The following CARS2 variants were observed in gnomAD, a reference collection of about 807,000 sequenced individuals.
The protein encoded by CARS2 is cysteinyl-tRNA synthetase 2, mitochondrial, also known as probable cysteine--tRNA ligase, mitochondrial.
Under a neutral mutation model 68.8 loss-of-function variants are expected in CARS2, and 52 were observed. The observed-to-expected ratio is 0.76, with a 90% CI of 0.61 to 0.95. CARS2 has a LOEUF of 0.95. CARS2 is among the 40% of genes least tolerant of loss of function. CARS2 has a pLI of 0.00. For synonymous variants in CARS2, 314 were observed against 303.6 expected (o/e 1.03, Z -0.36); for missense variants, 780 against 754.2 (o/e 1.03, Z -0.40).
rs547665071 is a variant in CARS2 at position 110,642,846 on chromosome 13, T to C, written c.1417-325A>G. The C allele has an allele frequency of 3.4e-5, 20 of 587,512 alleles. No homozygotes were observed. The East Asian group carries it at 6.1e-4, about 18-fold the overall frequency. 36.4% of individuals were successfully genotyped at this position (587,512 alleles called of 1,614,324 possible). On this transcript the variant is annotated intron_variant, in intron 13 of 14. Coordinates refer to ENST00000257347, the MANE Select transcript of CARS2 (RefSeq NM_024537.4). ...CCCTGGCTTCCAGACCTCACGCAAT[T>C]GTGGCCGAGGTATCAGGAGCAACCT... is the stretch of plus-strand genomic sequence containing the variant.
At chr13:110,691,463 T>C (rs2063457157) in intron 3 of CARS2, among the ~76,000 whole-genome samples, 1 of 152,254 alleles carries the variant, frequency 6.6e-6, no homozygotes, top group Admixed American at 6.5e-5. Flanking sequence ...GAATCTTTTC[T>C]CATAAATGGC....
At chr13:110,700,774 G>C (rs2063761552) in intron 3 of CARS2, among the ~76,000 whole-genome samples, 1 of 152,254 alleles carries the variant, frequency 6.6e-6, no homozygotes, top group Non-Finnish European at 1.5e-5. Flanking sequence ...CGTCCAATCA[G>C]TGGGTCTGGT....
At chr13:110,642,874 G>A in intron 13 of CARS2, 1 of 519,136 alleles carries the variant, frequency 1.9e-6, no homozygotes, top group Non-Finnish European at 3.7e-6. Context: ...AGCAACCTGA[G>A]GATGAGGCTG....
intron 7 of CARS2, 86 bp from the exon 8 acceptor site, chr13:110,667,559 T>C: frequency 1.6e-6 from 2 of 1,237,546 alleles, no homozygotes; most frequent in Non-Finnish European, 2.2e-6. Context: ...CTTCCAGCCT[T>C]TTTAATTCAA....
chr13:110,688,512 C>G (rs2063369436), intron 3 of CARS2, among the ~76,000 whole-genome samples: 1 of 152,114 alleles, frequency 6.6e-6, no homozygotes, highest in African/African-American at 2.4e-5. Flanking sequence ...CTCCACTTTT[C>G]TAAGACAAGG....
At chr13:110,667,268 T>C in intron 8 of CARS2, 72 bp downstream of exon 8, 1 of 1,363,808 alleles carries the variant, frequency 7.3e-7, no homozygotes, top group Non-Finnish European at 1.0e-6. Flanking sequence ...TTTCCAAATG[T>C]AGCTGTTCCG....
intron 9 of CARS2, among the ~76,000 whole-genome samples, chr13:110,654,063 A>G (rs1456759011): frequency 2.6e-5 from 4 of 152,182 alleles, no homozygotes; most frequent in African/African-American, 9.7e-5. Flanking sequence ...GGGGATGGTA[A>G]CAAGCCATGT....
chr13:110,704,392 T>G (rs183140262), intron 2 of CARS2, among the ~76,000 whole-genome samples: 18 of 152,338 alleles, frequency 1.2e-4, no homozygotes, highest in East Asian at 3.9e-4. Flanking sequence ...ATTAAAAGTA[T>G]GTTAGCCCAA....
At chr13:110,664,342 T>C in intron 8 of CARS2, 1 of 365,304 alleles carries the variant, frequency 2.7e-6, no homozygotes, top group African/African-American at 2.2e-5. Context: ...ACCCGGTCTC[T>C]ACAAAAAAAA....
Position 110,668,517 on chromosome 13 carries a change from G to A in CARS2, c.786-1044C>T, listed in dbSNP as rs2062713565. 6.7e-6 allele frequency among the ~76,000 whole-genome samples: 1 copy of A among 149,906 alleles called. No homozygotes were observed. On this transcript the variant is annotated intron_variant, in intron 7 of 14. Coordinates refer to ENST00000257347, the MANE Select transcript of CARS2 (RefSeq NM_024537.4). This position sits in a 1 kb window ranked among gnomAD's most constrained non-coding sequence, Gnocchi z 4.1. ...AGATCGCGCCACTGCACTCCAGCCTGGGTGACAGAGCGAGACTCCGTCTCA... is the reference window on the plus strand; with the variant it reads ...AGATCGCGCCACTGCACTCCAGCCTAGGTGACAGAGCGAGACTCCGTCTCA...
chr13:110,677,124 A>C (rs369686025), intron 6 of CARS2, 21 bp from the exon 7 acceptor site: 5 of 1,584,994 alleles, frequency 3.2e-6, no homozygotes, highest in Admixed American at 1.7e-5. Flanking sequence ...CAAACGGTAC[A>C]TCAGTGGGAA....
intron 4 of CARS2, 31 bp downstream of exon 4, chr13:110,687,916 C>T (rs1427506312): frequency 6.3e-7 from 1 of 1,589,536 alleles, no homozygotes; most frequent in Admixed American, 1.7e-5. Context: ...CTGTCACCCT[C>T]ATGGCAGGAA....
chr13:110,695,775 C>T (rs1276438755), intron 3 of CARS2, among the ~76,000 whole-genome samples: 3 of 144,392 alleles, frequency 2.1e-5, no homozygotes, highest in African/African-American at 7.6e-5. Context: ...AAAGAATTAC[C>T]TTTTTTTTTT....
upstream of CARS2, among the ~76,000 whole-genome samples, chr13:110,709,327 C>T (rs1010112478): frequency 6.6e-6 from 1 of 151,998 alleles, no homozygotes; most frequent in Non-Finnish European, 1.5e-5. Context: ...CTCCCGACCC[C>T]AGGTGATCCG....
At chr13:110,662,484 T>G (rs1215321858) in intron 9 of CARS2, among the ~76,000 whole-genome samples, 1 of 152,268 alleles carries the variant, frequency 6.6e-6, no homozygotes, top group Non-Finnish European at 1.5e-5. Context: ...CCTCCACGTG[T>G]GCCGTGCACG....
chr13:110,690,005 G>A (rs1305636719), intron 3 of CARS2, among the ~76,000 whole-genome samples: 1 of 152,178 alleles, frequency 6.6e-6, no homozygotes, highest in Non-Finnish European at 1.5e-5. Context: ...GACGTGGGCA[G>A]ATCATGAGGT....
intron 7 of CARS2, 66 bp from the exon 8 acceptor site, chr13:110,667,539 C>G: frequency 7.1e-7 from 1 of 1,402,144 alleles, no homozygotes; most frequent in Non-Finnish European, 9.8e-7. Flanking sequence ...CTAACCTCGT[C>G]TATTTATTCC....
Position 110,670,107 on chromosome 13 carries a change from A to G in CARS2, c.786-2634T>C, listed in dbSNP as rs1284047011. ...CACTACAGCTCAAGGAGGCCTGCCC[A>G]CCTCTGTAGACTCCACCTCTGGGGA... On this transcript the variant is annotated intron_variant, in intron 7 of 14. Coordinates refer to ENST00000257347, the MANE Select transcript of CARS2 (RefSeq NM_024537.4). This position sits in a 1 kb window ranked among gnomAD's most constrained non-coding sequence, Gnocchi z 4.1. 6.6e-6 allele frequency among the ~76,000 whole-genome samples: 1 copy of G among 152,148 alleles called. No homozygotes were observed. Among genetic ancestry groups the G allele is most frequent in the African/African-American group, 2.4e-5 (1 of 41,416 alleles).
At chr13:110,644,717 G>T (rs551600312) in intron 12 of CARS2, 4 of 590,122 alleles carry the variant, frequency 6.8e-6, no homozygotes, top group African/African-American at 5.6e-5. Flanking sequence ...CATGTGGGTG[G>T]TGACTAGCTC....
Sources: gnomAD v4.1 joint callset for allele counts (sites outside exome capture counted in the v4.1 genomes callset) on GRCh38, gnomAD v4.1.1 for gene constraint, Gnocchi (gnomAD v3.1) non-coding constraint, MANE v1.5 for transcripts, NCBI Gene and HGNC (gene_info 2026-07-23, HGNC 2026-07-21) for gene names.